Variants in NRXN3 observed in about 807,000 individuals in gnomAD.
The protein encoded by NRXN3 is neurexin 3, also known as neurexin III.
A neutral mutation model predicts 137.6 loss-of-function variants in NRXN3; 32 were observed. The ratio of observed to expected loss-of-function variants is 0.23; its 90% CI spans 0.18 to 0.31. The LOEUF is 0.31. NRXN3 is among the 10% of genes least tolerant of loss of function. The pLI is 1.00. For synonymous variants in NRXN3, 798 were observed against 784.5 expected, an observed-to-expected ratio of 1.02 and a Z score of -0.29; for missense variants, 1,574 against 2,062.5, an observed-to-expected ratio of 0.76 and a Z score of 4.59.
intron 14 of NRXN3, chr14:78,973,030 G>A (rs1156895950): frequency 6.6e-6 from 1 of 152,108 alleles, no homozygotes; most frequent in Non-Finnish European, 1.5e-5. Flanking sequence ...CAATTGTGGG[G>A]AGGTGGCTGA....
chr14:79,499,062 A>C (rs1174829623), intron 16 of NRXN3, among the ~76,000 whole-genome samples: 1 of 152,192 alleles, frequency 6.6e-6, no homozygotes, highest in Non-Finnish European at 1.5e-5. Flanking sequence ...TTTTCTCCTC[A>C]AAGAAGCCAG....
chr14:79,344,118 T>C (rs948582391), intron 15 of NRXN3, among the ~76,000 whole-genome samples: 2 of 152,150 alleles, frequency 1.3e-5, no homozygotes, highest in African/African-American at 4.8e-5. Flanking sequence ...TCTCAGGACT[T>C]TGAAGACTCC....
At chr14:78,401,766 A>ATCTATAGATC (rs2092088579) in intron 4 of NRXN3, among the ~76,000 whole-genome samples, 1 of 152,204 alleles carries the variant, frequency 6.6e-6, no homozygotes, top group South Asian at 2.1e-4. Flanking sequence ...CCACATAAGG[A>ATCTATAGATC]TTCAATCTAT....
At chr14:79,001,534 G>C (rs1264936362) in intron 15 of NRXN3, among the ~76,000 whole-genome samples, 1 of 152,204 alleles carries the variant, frequency 6.6e-6, no homozygotes, top group East Asian at 1.9e-4. Context: ...TGCCCTTGCA[G>C]CTGTACTTCT....
chr14:78,235,006 A>ATATATATATATGTG (rs2066029802), intron 1 of NRXN3, among the ~76,000 whole-genome samples: 1 of 98,848 alleles, frequency 1.0e-5, no homozygotes, highest in African/African-American at 4.2e-5. Flanking sequence ...ATATATATAT[A>ATATATATATATGTG]TATATATATA....
At chr14:78,987,199 G>C (rs11624311) in intron 14 of NRXN3, among the ~76,000 whole-genome samples, 1 of 151,886 alleles carries the variant, frequency 6.6e-6, no homozygotes, top group Non-Finnish European at 1.5e-5. Context: ...AGCTCCAAGC[G>C]TTTGCATTCC....
At chr14:78,598,477 T>A (rs888267447) in intron 4 of NRXN3, among the ~76,000 whole-genome samples, 2 of 152,236 alleles carry the variant, frequency 1.3e-5, no homozygotes, top group Non-Finnish European at 2.9e-5. Context: ...CTGTACCAGC[T>A]GCAGCGCTGG....
intron 15 of NRXN3, among the ~76,000 whole-genome samples, chr14:79,138,825 TAA>T (rs987564326): frequency 6.6e-6 from 1 of 152,196 alleles, no homozygotes; most frequent in Non-Finnish European, 1.5e-5. Flanking sequence ...AATTCAATCT[TAA>T]AACATTGCCT....
At chr14:79,722,833 A>G (rs769160839) in intron 19 of NRXN3, among the ~76,000 whole-genome samples, 49 of 152,166 alleles carry the variant, frequency 3.2e-4, no homozygotes, top group Non-Finnish European at 6.6e-4. Flanking sequence ...AGAATGATAA[A>G]TGGTAGATGG....
chr14:79,771,141 C>G (rs2099076680), intron 19 of NRXN3, among the ~76,000 whole-genome samples: 1 of 152,070 alleles, frequency 6.6e-6, no homozygotes, highest in Non-Finnish European at 1.5e-5. Context: ...CAATAGCTTG[C>G]CAACCAAAAA....
At chr14:78,452,080 A>T (rs2094565985) in intron 4 of NRXN3, among the ~76,000 whole-genome samples, 1 of 152,238 alleles carries the variant, frequency 6.6e-6, no homozygotes, top group African/African-American at 2.4e-5. Flanking sequence ...AATATAGCTG[A>T]CATTTATGAA....
chr14:78,278,553 TTGTG>T, intron 2 of NRXN3, 88 bp from the exon 3 acceptor site: 4 of 927,570 alleles, frequency 4.3e-6, no homozygotes, highest in Non-Finnish European at 6.7e-6. Flanking sequence ...GCACATTGCA[TTGTG>T]TGTGTGTGTG....
At chr14:79,499,741 A>G (rs1160711999) in intron 16 of NRXN3, among the ~76,000 whole-genome samples, 1 of 152,176 alleles carries the variant, frequency 6.6e-6, no homozygotes, top group African/African-American at 2.4e-5. Context: ...TTGATCATCT[A>G]TCTCCCTTCA....
intron 17 of NRXN3, among the ~76,000 whole-genome samples, chr14:79,684,597 C>T (rs2098687370): frequency 6.6e-6 from 1 of 152,096 alleles, no homozygotes; most frequent in Non-Finnish European, 1.5e-5. Context: ...GCATGACTTT[C>T]CTGTTGTCGG....
intron 16 of NRXN3, among the ~76,000 whole-genome samples, chr14:79,541,499 C>T (rs1166858785): frequency 2.0e-5 from 3 of 152,138 alleles, no homozygotes; most frequent in Non-Finnish European, 2.9e-5. Flanking sequence ...CTTGCAAAGA[C>T]TCTTTTTTCA....
chr14:79,121,238 G>A lies in NRXN3; in HGVS notation c.3262+133097G>A, dbSNP rs141497306. Among the ~76,000 whole-genome samples the A allele has an allele frequency of 4.6e-3, 697 of 152,298 alleles. 4 individuals are homozygous for A. The highest frequency in any genetic ancestry group is 7.6e-3 in the Non-Finnish European group (519 of 68,020). Reference sequence around the variant, plus strand: ...ATGTGGCTTTTCAAGGCGACTGAGAGCACCTGCTCCCTAGAATCCTTCAGC... The same window carrying A: ...ATGTGGCTTTTCAAGGCGACTGAGAACACCTGCTCCCTAGAATCCTTCAGC... On this transcript the variant is annotated intron_variant, in intron 15 of 20. Coordinates refer to ENST00000335750, the MANE Select transcript of NRXN3 (RefSeq NM_001330195.2).
chr14:79,067,387 T>C (rs1315083826), intron 15 of NRXN3, among the ~76,000 whole-genome samples: 4 of 152,196 alleles, frequency 2.6e-5, no homozygotes, highest in Non-Finnish European at 5.9e-5. Context: ...TTGAGGATTT[T>C]TGCATCAATA....
At chr14:79,618,761 T>C (rs2098189733) in intron 16 of NRXN3, among the ~76,000 whole-genome samples, 1 of 152,168 alleles carries the variant, frequency 6.6e-6, no homozygotes, top group South Asian at 2.1e-4. Flanking sequence ...TTAAGTTCTT[T>C]TGGAAATCTC....
At chr14:79,109,945 C>T (rs1430323544) in intron 15 of NRXN3, among the ~76,000 whole-genome samples, 1 of 151,950 alleles carries the variant, frequency 6.6e-6, no homozygotes, top group Non-Finnish European at 1.5e-5. Context: ...CAACCATGCA[C>T]TTGTTCCCCT....
Sources: allele counts gnomAD v4.1 joint callset (sites outside exome capture counted in the v4.1 genomes callset), GRCh38; gene constraint gnomAD v4.1.1; transcripts MANE v1.5; gene names NCBI Gene and HGNC (gene_info 2026-07-23, HGNC 2026-07-21).